NUP35: variants seen among roughly 807,000 people sequenced by gnomAD.
NUP35 encodes the protein nucleoporin NUP35.
A neutral mutation model predicts 41.5 loss-of-function variants in NUP35; 25 were observed. That is an observed-to-expected ratio of 0.60 (90% CI 0.44 to 0.84). The LOEUF is 0.84. NUP35 is among the 40% of genes least tolerant of loss of function. The pLI is 0.00. For synonymous variants in NUP35, 149 were observed against 130.7 expected, an observed-to-expected ratio of 1.14 and a Z score of -0.96; for missense variants, 396 against 396.6, an observed-to-expected ratio of 1.00 and a Z score of 0.01.
At position 183,130,408 on chromosome 2, in the gene NUP35, T is replaced by A; in HGVS notation, c.212-10T>A. The stretch of plus-strand genomic sequence containing the variant: ...ATCCCTTTTTTTTTTTTTTTTTTTG[T>A]ACACTGTAGGTGGGTCACCACCACA... On this transcript the variant is annotated splice_polypyrimidine_tract_variant and intron_variant, in intron 2 of 8. Coordinates refer to ENST00000295119, the MANE Select transcript of NUP35 (RefSeq NM_138285.5). 1 of 1,353,248 alleles carries A rather than the reference T, an allele frequency of 7.4e-7. No individual in the cohort carries two copies. Among genetic ancestry groups the A allele is most frequent in the South Asian group, 1.6e-5 (1 of 60,798 alleles). The allele number at this position is 1,353,248 out of a possible 1,614,324, so 83.8% of individuals were successfully genotyped here.
intron 4 of NUP35, among the ~76,000 whole-genome samples, chr2:183,144,892 C>T (rs935567515): frequency 1.3e-5 from 2 of 152,092 alleles, no homozygotes; most frequent in South Asian, 2.1e-4. Flanking sequence ...ATTGCTTATT[C>T]GTTTGAGACT....
chr2:183,152,910 A>G (rs1451365220), intron 5 of NUP35, among the ~76,000 whole-genome samples: 6 of 152,206 alleles, frequency 3.9e-5, no homozygotes, highest in African/African-American at 1.2e-4. Context: ...ATTAGTCCCT[A>G]TTCATACTGA....
intron 2 of NUP35, among the ~76,000 whole-genome samples, chr2:183,130,123 C>T (rs1034590651): frequency 6.6e-6 from 1 of 152,152 alleles, no homozygotes; most frequent in African/African-American, 2.4e-5. Context: ...TTTCTGAAAA[C>T]TAAGATTTTC....
chr2:183,131,061 C>G (rs1056320147), intron 3 of NUP35: 6 of 475,246 alleles, frequency 1.3e-5, no homozygotes, highest in African/African-American at 9.9e-5. Flanking sequence ...AACTCTGCAG[C>G]CTTGAACTCC....
intron 4 of NUP35, among the ~76,000 whole-genome samples, chr2:183,148,501 T>C (rs1189121915): frequency 6.6e-6 from 1 of 152,172 alleles, no homozygotes; most frequent in African/African-American, 2.4e-5. Context: ...CCATTCTGAC[T>C]AGGGTAAGGT....
At chr2:183,134,267 C>G (rs895906287) in intron 4 of NUP35, among the ~76,000 whole-genome samples, 23 of 152,152 alleles carry the variant, frequency 1.5e-4, no homozygotes, top group Middle Eastern at 3.4e-3. Context: ...AAATAGTAAA[C>G]AAAATAGATA....
intron 2 of NUP35, among the ~76,000 whole-genome samples, chr2:183,128,867 T>A (rs72892686): frequency 0.078 from 11,949 of 152,224 alleles, 550 homozygotes; most frequent in South Asian, 0.17. Context: ...AGCTATAATT[T>A]CTAGAGCCAC....
intron 4 of NUP35, among the ~76,000 whole-genome samples, chr2:183,144,406 G>A (rs1378845333): frequency 1.3e-5 from 2 of 152,080 alleles, no homozygotes; most frequent in African/African-American, 4.8e-5. Context: ...ATTACATATT[G>A]TGCTACTTTG....
intron 3 of NUP35, chr2:183,131,394 A>G (rs1441916797): frequency 6.6e-6 from 1 of 152,418 alleles, no homozygotes; most frequent in East Asian, 1.9e-4. Context: ...TTTGCTTTAG[A>G]TATATGTTTT....
chr2:183,128,306 G>A lies in NUP35; in HGVS notation c.60G>A (p.Leu20=), dbSNP rs150753244. ...ATGTAGGATCTGAACCAATGATGCT[G>A]GGTTCACCCACATCTCCAAAGCCAG... is the stretch of plus-strand genomic sequence containing the variant. ...GPALGSEPMM[L]GSPTSPKPGV... is the part of the protein sequence containing the mutation. Residue 20 remains leucine (L), a synonymous_variant, in exon 2 of 9, where the codon CTG becomes CTA. Transcript: ENST00000295119. 1.9e-5 allele frequency: 31 copies of A among 1,612,756 alleles called. No homozygotes were observed. The African/African-American group carries it at 3.6e-4, about 19-fold the overall frequency.
intron 4 of NUP35, among the ~76,000 whole-genome samples, chr2:183,145,827 C>G (rs1454199348): frequency 6.6e-6 from 1 of 152,080 alleles, no homozygotes. Flanking sequence ...TGTCTTGCCT[C>G]CAAATGATAT....
intron 4 of NUP35, among the ~76,000 whole-genome samples, chr2:183,149,341 A>G (rs1164527637): frequency 2.0e-5 from 3 of 152,278 alleles, no homozygotes; most frequent in Non-Finnish European, 4.4e-5. Context: ...TCATTTAAAA[A>G]TAAAGCTATT....
chr2:183,121,937 T>TATTATTATTATTA, upstream of NUP35, among the ~76,000 whole-genome samples: 1 of 150,060 alleles, frequency 6.7e-6, no homozygotes, highest in Non-Finnish European at 1.5e-5. Context: ...ATTATTATAC[T>TATTATTATTATTA]TTAAGTTCTA....
At chr2:183,128,607 A>G (rs1684583878) in intron 2 of NUP35, 150 bp downstream of exon 2, 1 of 458,546 alleles carries the variant, frequency 2.2e-6, no homozygotes, top group South Asian at 7.5e-5. Flanking sequence ...GCTAAAAAAA[A>G]AAAAAAATGC....
At position 183,130,381 on chromosome 2, in the gene NUP35, G is replaced by T. The variant is rs769289629; in HGVS notation, c.212-37G>T. On this transcript the variant is annotated intron_variant, in intron 2 of 8. Transcript: ENST00000295119. ...ATTTAAAAAATCTTACCAAAAAGAA[G>T]AATCCCTTTTTTTTTTTTTTTTTTT... 1.3e-5 allele frequency: 18 copies of T among 1,376,016 alleles called. No individual in the cohort carries two copies. In the African/African-American group the frequency reaches 1.9e-4, roughly 15 times the overall value. The allele number at this position is 1,376,016 out of a possible 1,614,324, so 85.2% of individuals were successfully genotyped here.
intron 5 of NUP35, among the ~76,000 whole-genome samples, chr2:183,153,023 T>C (rs1685523888): frequency 6.6e-6 from 1 of 152,144 alleles, no homozygotes; most frequent in South Asian, 2.1e-4. Flanking sequence ...AAGGCACTTC[T>C]TACATGACGG....
At chr2:183,129,051 A>C (rs189077969) in intron 2 of NUP35, among the ~76,000 whole-genome samples, 1 of 152,266 alleles carries the variant, frequency 6.6e-6, no homozygotes, top group Non-Finnish European at 1.5e-5. Flanking sequence ...GAGTTGATGA[A>C]ATACCATCAT....
chr2:183,119,132 T>A (rs1700031743), intron 1 of NUP35, among the ~76,000 whole-genome samples: 1 of 152,174 alleles, frequency 6.6e-6, no homozygotes, highest in Admixed American at 6.5e-5. Flanking sequence ...CAGTTTTAGG[T>A]GTTTCTATCT....
chr2:183,156,852 A>G (rs1445863676), intron 5 of NUP35, among the ~76,000 whole-genome samples: 1 of 152,228 alleles, frequency 6.6e-6, no homozygotes, highest in African/African-American at 2.4e-5. Flanking sequence ...TATCCAAACC[A>G]TACAGAACTT....
Sources: gnomAD v4.1 joint callset for allele counts (sites outside exome capture counted in the v4.1 genomes callset) on GRCh38, gnomAD v4.1.1 for gene constraint, MANE v1.5 for transcripts, NCBI Gene and HGNC (gene_info 2026-07-23, HGNC 2026-07-21) for gene names.